The following MAN1A1 variants were observed in gnomAD, a reference collection of about 807,000 sequenced individuals.
The protein encoded by MAN1A1 is mannosyl-oligosaccharide 1,2-alpha-mannosidase IA.
In MAN1A1, 29 loss-of-function variants were observed where a neutral mutation model predicts 70.8. The observed-to-expected ratio is 0.41, with a 90% CI of 0.31 to 0.56. The LOEUF is 0.56. MAN1A1 is among the 20% of genes least tolerant of loss of function. The pLI, the probability that MAN1A1 is intolerant of heterozygous loss-of-function variation, is 0.29. For missense variants in MAN1A1, 747 were observed against 841.3 expected (o/e 0.89, Z 1.39); for synonymous variants, 349 against 330.1 (o/e 1.06, Z -0.62).
At chr6:119,221,226 T>A (rs965311201) in intron 6 of MAN1A1, among the ~76,000 whole-genome samples, 5 of 152,134 alleles carry the variant, frequency 3.3e-5, no homozygotes, top group Admixed American at 3.3e-4. Context: ...ATAAAATGTT[T>A]CAAAATATTA....
At chr6:119,287,440 G>A (rs1349875334) in intron 5 of MAN1A1, among the ~76,000 whole-genome samples, 1 of 151,922 alleles carries the variant, frequency 6.6e-6, no homozygotes, top group African/African-American at 2.4e-5. Context: ...TACACGTTTT[G>A]CACTTGTCAA....
chr6:119,211,707 A>C (rs550877677), intron 6 of MAN1A1, among the ~76,000 whole-genome samples: 26 of 152,308 alleles, frequency 1.7e-4, no homozygotes, highest in South Asian at 6.3e-4. Context: ...TGAGGAAAAT[A>C]ACAACAGGGT....
chr6:119,313,964 T>A (rs1582795563), intron 2 of MAN1A1, among the ~76,000 whole-genome samples: 1 of 149,314 alleles, frequency 6.7e-6, no homozygotes, highest in Admixed American at 6.7e-5. Context: ...AAAACTACGC[T>A]GGCTAAGGGT....
chr6:119,210,987 C>T (rs759899731), intron 6 of MAN1A1: 2 of 434,170 alleles, frequency 4.6e-6, no homozygotes, highest in Non-Finnish European at 9.2e-6. Context: ...AATCTACACA[C>T]AATCATTTAT....
chr6:119,224,116 A>T (rs1446938353), intron 6 of MAN1A1, among the ~76,000 whole-genome samples: 1 of 152,194 alleles, frequency 6.6e-6, no homozygotes, highest in African/African-American at 2.4e-5. Context: ...TGGGACCAAA[A>T]CACTGGGTAT....
At chr6:119,196,943 C>T (rs1292080528) in intron 8 of MAN1A1, among the ~76,000 whole-genome samples, 1 of 152,136 alleles carries the variant, frequency 6.6e-6, no homozygotes, top group Non-Finnish European at 1.5e-5. Context: ...TGACCAGGAC[C>T]GGATACTGCC....
intron 12 of MAN1A1, 101 bp from the exon 13 acceptor site, chr6:119,180,046 C>A (rs1773108517): frequency 4.7e-6 from 6 of 1,270,042 alleles, no homozygotes; most frequent in Non-Finnish European, 6.7e-6. Context: ...ATTCATCTTA[C>A]CAAGAAACAT....
intron 6 of MAN1A1, among the ~76,000 whole-genome samples, chr6:119,207,801 TC>T (rs1158164556): frequency 2.0e-5 from 3 of 152,148 alleles, no homozygotes; most frequent in Non-Finnish European, 4.4e-5. Flanking sequence ...GAGTAAGAGT[TC>T]AGCTCCCTTG....
At chr6:119,298,786 C>T (rs6569069) in intron 4 of MAN1A1, among the ~76,000 whole-genome samples, 57,223 of 151,342 alleles carry the variant, frequency 0.38, 11,285 homozygotes, top group Non-Finnish European at 0.41. Context: ...TCAGTAGAGA[C>T]GGGGTTTCGC....
At chr6:119,300,775 C>G (rs1033597201) in intron 4 of MAN1A1, among the ~76,000 whole-genome samples, 1 of 152,058 alleles carries the variant, frequency 6.6e-6, no homozygotes, top group Non-Finnish European at 1.5e-5. Context: ...TAATATTGAT[C>G]GGAATATTCT....
At chr6:119,233,655 A>T (rs1774751535) in intron 6 of MAN1A1, among the ~76,000 whole-genome samples, 1 of 152,238 alleles carries the variant, frequency 6.6e-6, no homozygotes, top group African/African-American at 2.4e-5. Flanking sequence ...GCTAATTCTT[A>T]AATCTAAAAG....
chr6:119,278,609 C>T (rs556067720), intron 5 of MAN1A1, among the ~76,000 whole-genome samples: 5 of 151,970 alleles, frequency 3.3e-5, no homozygotes, highest in African/African-American at 9.7e-5. Context: ...TATGTTGCAT[C>T]GTCAGTGATA....
intron 6 of MAN1A1, among the ~76,000 whole-genome samples, chr6:119,239,422 A>G (rs978699712): frequency 2.6e-5 from 4 of 152,210 alleles, no homozygotes; most frequent in Non-Finnish European, 4.4e-5. Context: ...TTCAGAACAT[A>G]TCAACTATAA....
intron 5 of MAN1A1, among the ~76,000 whole-genome samples, chr6:119,258,375 T>C (rs777249166): frequency 6.6e-6 from 1 of 152,224 alleles, no homozygotes; most frequent in African/African-American, 2.4e-5. Flanking sequence ...AAATGTATGG[T>C]TGCATCTGTA....
At position 119,256,568 on chromosome 6, in the gene MAN1A1, T is replaced by A. The variant is rs114141883; in HGVS notation, c.898-8214A>T. The stretch of plus-strand genomic sequence containing the variant: ...GGCATGGATATCACCACTGTCCACG[T>A]GAGCAGCAGTAAATGCCATGTTCTC... On this transcript the variant is annotated intron_variant, in intron 5 of 12. Coordinates refer to ENST00000368468, the MANE Select transcript of MAN1A1 (RefSeq NM_005907.4). 2.9e-3 allele frequency among the ~76,000 whole-genome samples: 449 copies of A among 152,266 alleles called. 5 individuals are homozygous for A. The highest frequency in any genetic ancestry group is 0.01 in the African/African-American group (433 of 41,550).
chr6:119,336,926 A>G (rs1258797957), intron 2 of MAN1A1, among the ~76,000 whole-genome samples: 1 of 151,988 alleles, frequency 6.6e-6, no homozygotes, highest in African/African-American at 2.4e-5. Context: ...ATAAATGAAG[A>G]CTCTACCTAC....
chr6:119,263,163 AT>A (rs1261098547), intron 5 of MAN1A1, among the ~76,000 whole-genome samples: 1 of 152,062 alleles, frequency 6.6e-6, no homozygotes, highest in Admixed American at 6.5e-5. Flanking sequence ...GGACCTTGTG[AT>A]CGTGTAAGTT....
At chr6:119,250,639 G>A (rs771672820) in intron 5 of MAN1A1, among the ~76,000 whole-genome samples, 4 of 119,664 alleles carry the variant, frequency 3.3e-5, no homozygotes, top group Non-Finnish European at 5.3e-5. Context: ...CCTCTCTCTT[G>A]TTCTCTCTCT....
intron 6 of MAN1A1, among the ~76,000 whole-genome samples, chr6:119,233,627 G>A (rs1774751056): frequency 6.6e-6 from 1 of 152,214 alleles, no homozygotes; most frequent in African/African-American, 2.4e-5. Context: ...CAGGGTACAA[G>A]AGGAAACTAT....
Sources: allele counts gnomAD v4.1 joint callset (sites outside exome capture counted in the v4.1 genomes callset), GRCh38; gene constraint gnomAD v4.1.1; transcripts MANE v1.5; gene names NCBI Gene and HGNC (gene_info 2026-07-23, HGNC 2026-07-21).